The following MAML3 variants were observed in gnomAD, a reference collection of about 807,000 sequenced individuals.
MAML3 encodes the protein mastermind-like protein 3.
Under a neutral mutation model 101.9 loss-of-function variants are expected in MAML3, and 27 were observed. The ratio of observed to expected loss-of-function variants is 0.27; its 90% CI spans 0.20 to 0.37. The LOEUF (loss-of-function observed/expected upper bound fraction) is 0.37, where lower values mean the gene tolerates loss of function less well. Ranked by LOEUF, MAML3 falls within the 10% of genes least tolerant of loss-of-function variation. The pLI is 1.00. For synonymous variants in MAML3, 501 were observed against 555.9 expected (o/e 0.90, Z 1.39); for missense variants, 1,316 against 1,444.9 (o/e 0.91, Z 1.45).
intron 1 of MAML3, among the ~76,000 whole-genome samples, chr4:140,011,232 G>GTATATATATATATATATATATATA (rs1560865855): frequency 3.5e-5 from 1 of 28,478 alleles, no homozygotes; most frequent in Non-Finnish European, 2.2e-4. Flanking sequence ...TATAAAGTGT[G>GTATATATATATATATATATATATA]CATATATATA....
At chr4:139,772,010 T>A (rs149138002) in intron 2 of MAML3, among the ~76,000 whole-genome samples, 4 of 148,106 alleles carry the variant, frequency 2.7e-5, no homozygotes, top group South Asian at 2.1e-4. Flanking sequence ...GAGGCCGAGG[T>A]GGGCGGATCA....
intron 1 of MAML3, among the ~76,000 whole-genome samples, chr4:140,048,895 A>G (rs1389533564): frequency 6.6e-6 from 1 of 152,232 alleles, no homozygotes; most frequent in African/African-American, 2.4e-5. Flanking sequence ...TTCTGGAAAG[A>G]ATACTGTGAG....
intron 1 of MAML3, among the ~76,000 whole-genome samples, chr4:139,904,770 C>CAAGCCT (rs1401304650): frequency 7.1e-6 from 1 of 141,490 alleles, no homozygotes; most frequent in African/African-American, 2.6e-5. Flanking sequence ...CATATTCACA[C>CAAGCCT]AAGCCTAATA....
chr4:140,084,111 C>T (rs1265043578), intron 1 of MAML3, among the ~76,000 whole-genome samples: 1 of 152,126 alleles, frequency 6.6e-6, no homozygotes, highest in Non-Finnish European at 1.5e-5. Context: ...CATCACTTAG[C>T]ACTCAGTAAG....
intron 2 of MAML3, among the ~76,000 whole-genome samples, chr4:139,827,451 T>C (rs1460905180): frequency 6.6e-6 from 1 of 152,218 alleles, no homozygotes; most frequent in East Asian, 1.9e-4. Context: ...TGTGCTTCTA[T>C]TGCATTCCAG....
At chr4:140,027,900 G>A (rs991284691) in intron 1 of MAML3, among the ~76,000 whole-genome samples, 15 of 152,030 alleles carry the variant, frequency 9.9e-5, no homozygotes, top group African/African-American at 2.2e-4. Flanking sequence ...ACAAAAAATC[G>A]ATTAAGTTGG....
intron 1 of MAML3, among the ~76,000 whole-genome samples, chr4:140,124,508 C>T (rs1420589980): frequency 6.6e-6 from 1 of 152,130 alleles, no homozygotes; most frequent in Non-Finnish European, 1.5e-5. Flanking sequence ...AAAATATAAC[C>T]ATTAGGAAGT....
chr4:140,100,622 C>T (rs567855363), intron 1 of MAML3, among the ~76,000 whole-genome samples: 1 of 151,534 alleles, frequency 6.6e-6, no homozygotes, highest in South Asian at 2.1e-4. Flanking sequence ...CTAAGATGCA[C>T]TTAAAATGAA....
chr4:140,013,774 T>C (rs565882784), intron 1 of MAML3, among the ~76,000 whole-genome samples: 60 of 152,294 alleles, frequency 3.9e-4, no homozygotes, highest in African/African-American at 1.4e-3. Flanking sequence ...TACTTCCCCA[T>C]CCCCAGTGTA....
intron 1 of MAML3, among the ~76,000 whole-genome samples, chr4:140,140,016 G>A (rs575111675): frequency 6.6e-6 from 1 of 152,314 alleles, no homozygotes; most frequent in African/African-American, 2.4e-5. Context: ...GACCAGAGCA[G>A]CACCTTTAAG....
At chr4:139,849,513 G>T (rs1731511481) in intron 2 of MAML3, among the ~76,000 whole-genome samples, 1 of 152,150 alleles carries the variant, frequency 6.6e-6, no homozygotes, top group African/African-American at 2.4e-5. Context: ...TTCTGGGGTT[G>T]GCGCTCCCCA....
In MAML3 at chr4:139,976,878, G is replaced by A. The variant is rs564426315; in HGVS notation, c.469-85911C>T. Among the ~76,000 whole-genome samples, 14 of 151,996 alleles carry A rather than the reference G, an allele frequency of 9.2e-5. No individual in the cohort carries two copies. In the South Asian group the frequency reaches 2.7e-3, roughly 29 times the overall value. On this transcript the variant is annotated intron_variant, in intron 1 of 4. Transcript: ENST00000509479. ...GGCAATGTCTGGAGATAGTTTTCACGACTGTGGGGAGAAGAGGGTGTCACA... is the reference window on the plus strand; with the variant it reads ...GGCAATGTCTGGAGATAGTTTTCACAACTGTGGGGAGAAGAGGGTGTCACA...
intron 1 of MAML3, among the ~76,000 whole-genome samples, chr4:140,149,152 AG>A (rs1407805392): frequency 6.6e-6 from 1 of 152,256 alleles, no homozygotes; most frequent in African/African-American, 2.4e-5. Context: ...AATAATTAAA[AG>A]CCATCTTTTC....
intron 1 of MAML3, among the ~76,000 whole-genome samples, chr4:140,110,962 A>G (rs917643288): frequency 6.6e-6 from 1 of 152,226 alleles, no homozygotes; most frequent in Non-Finnish European, 1.5e-5. Flanking sequence ...ATTTTTTAGA[A>G]AGTATAAATA....
At chr4:139,980,347 C>T (rs1734422766) in intron 1 of MAML3, among the ~76,000 whole-genome samples, 1 of 152,202 alleles carries the variant, frequency 6.6e-6, no homozygotes, top group Non-Finnish European at 1.5e-5. Flanking sequence ...ATACACACCT[C>T]CTTTGGCCAT....
chr4:139,816,225 AGG>A (rs1730890633), intron 2 of MAML3, among the ~76,000 whole-genome samples: 3 of 152,178 alleles, frequency 2.0e-5, no homozygotes, highest in Non-Finnish European at 4.4e-5. Flanking sequence ...GGCTGAGCGG[AGG>A]GGATGCAGAC....
At chr4:140,095,989 C>A (rs1031593157) in intron 1 of MAML3, among the ~76,000 whole-genome samples, 2 of 151,822 alleles carry the variant, frequency 1.3e-5, no homozygotes, top group East Asian at 3.9e-4. Flanking sequence ...CAGTTACACA[C>A]TGTGGGCTCC....
At chr4:139,821,647 A>T (rs1730975915) in intron 2 of MAML3, among the ~76,000 whole-genome samples, 1 of 152,248 alleles carries the variant, frequency 6.6e-6, no homozygotes, top group Non-Finnish European at 1.5e-5. Flanking sequence ...GAAGAGGCTG[A>T]GAGCAGGAGA....
intron 2 of MAML3, among the ~76,000 whole-genome samples, chr4:139,880,840 C>T (rs972942494): frequency 2.6e-5 from 4 of 152,172 alleles, no homozygotes; most frequent in African/African-American, 9.7e-5. Flanking sequence ...TGAACACCCA[C>T]ATTAATCTTG....
Sources: allele counts gnomAD v4.1 joint callset (sites outside exome capture counted in the v4.1 genomes callset), GRCh38; gene constraint gnomAD v4.1.1; transcripts MANE v1.5; gene names NCBI Gene and HGNC (gene_info 2026-07-23, HGNC 2026-07-21).